CHD1: variants seen among roughly 807,000 people sequenced by gnomAD.
The protein encoded by CHD1 is ATP-dependent chromatin remodeler CHD1.
CHD1 carries 36 observed loss-of-function variants against 224.2 expected under a neutral mutation model. That is an observed-to-expected ratio of 0.16 (90% confidence interval 0.12 to 0.21). The LOEUF is 0.21. Among genes scored for constraint, CHD1 ranks in the 10% least tolerant of loss-of-function variants. The pLI is 1.00. For synonymous variants in CHD1, 668 were observed against 658.3 expected (o/e 1.01, Z -0.23); for missense variants, 1,378 against 1,994.8 (o/e 0.69, Z 5.89).
At chr5:98,881,763 G>C (rs1220609362) in intron 20 of CHD1, among the ~76,000 whole-genome samples, 2 of 152,208 alleles carry the variant, frequency 1.3e-5, no homozygotes, top group East Asian at 3.9e-4. Context: ...AAGCATAGAA[G>C]TGAAAGAGAT....
chr5:98,856,379 G>T lies in CHD1; in HGVS notation c.*1C>A. 1.2e-6 allele frequency: 2 copies of T among 1,602,728 alleles called. No homozygotes were observed. The highest frequency in any genetic ancestry group is 1.7e-6 in the Non-Finnish European group (2 of 1,171,036). ...CCAGAAAGACGAAGTATCAGTTTTTGTTATGTTTTCCGACTACTCCAGGTA... is the reference window on the plus strand; with the variant it reads ...CCAGAAAGACGAAGTATCAGTTTTTTTTATGTTTTCCGACTACTCCAGGTA... On this transcript the variant is annotated 3_prime_UTR_variant, in exon 36 of 36. Transcript: ENST00000614616.
intron 27 of CHD1, 41 bp from the exon 28 acceptor site, chr5:98,872,242 C>G: frequency 6.4e-7 from 1 of 1,563,858 alleles, no homozygotes; most frequent in East Asian, 2.3e-5. Flanking sequence ...TTTGTAATTG[C>G]CTTAACTGAA....
At chr5:98,922,025 C>T (rs1344132816) in intron 2 of CHD1, among the ~76,000 whole-genome samples, 2 of 151,980 alleles carry the variant, frequency 1.3e-5, no homozygotes, top group African/African-American at 4.8e-5. Context: ...TGGTGGCGGG[C>T]ACCTATAATC....
intron 3 of CHD1, among the ~76,000 whole-genome samples, chr5:98,904,432 G>GT (rs1390609413): frequency 2.0e-5 from 3 of 152,264 alleles, no homozygotes; most frequent in Non-Finnish European, 4.4e-5. Flanking sequence ...ATCTCTTGTA[G>GT]TTTTTTCCAA....
At chr5:98,872,259 A>G (rs979015654) in intron 27 of CHD1, 58 bp from the exon 28 acceptor site, 3 of 1,547,910 alleles carry the variant, frequency 1.9e-6, no homozygotes, top group African/African-American at 2.8e-5. Context: ...TGAAAAATTA[A>G]TTTTGAAAAA....
At chr5:98,905,136 T>A (rs1474277032) in intron 2 of CHD1, 38 bp from the exon 3 acceptor site, 1 of 1,608,152 alleles carries the variant, frequency 6.2e-7, no homozygotes, top group Non-Finnish European at 8.5e-7. Context: ...ACAAAATTCA[T>A]TAGGAATTTA....
chr5:98,871,973 C>A, intron 28 of CHD1, 78 bp downstream of exon 28: 1 of 1,329,600 alleles, frequency 7.5e-7, no homozygotes. Context: ...CCATTATTTC[C>A]AACATAATTT....
chr5:98,872,638 T>G (rs1749438780), intron 26 of CHD1, 83 bp from the exon 27 acceptor site: 1 of 1,135,698 alleles, frequency 8.8e-7, no homozygotes, highest in South Asian at 1.3e-5. Flanking sequence ...TGCTATTACT[T>G]ATGTTATTTA....
At chr5:98,874,906 A>C (rs1749635636) in intron 25 of CHD1, among the ~76,000 whole-genome samples, 166 bp downstream of exon 25, 1 of 152,206 alleles carries the variant, frequency 6.6e-6, no homozygotes, top group South Asian at 2.1e-4. Flanking sequence ...ACACAGTATA[A>C]AAACATTTTT....
chr5:98,868,534 A>G lies in CHD1; in HGVS notation c.4209T>C (p.Ser1403=). 6.2e-7 allele frequency: 1 copy of G among 1,612,492 alleles called. No homozygotes were observed. The highest frequency in any genetic ancestry group is 2.2e-5 in the East Asian group (1 of 44,844). ...TCTGATCCAGCTCTTCAGATTCTTCAGAAATGGGAACTGGTTCACCACTTG... is the reference window on the plus strand; with the variant it reads ...TCTGATCCAGCTCTTCAGATTCTTCGGAAATGGGAACTGGTTCACCACTTG... ...ITASGEPVPI[S]EESEELDQKT... The change falls in exon 31 of 36, where the codon TCT becomes TCC. Residue 1403 remains serine (S), a synonymous_variant. Transcript: ENST00000614616.
chr5:98,922,379 G>C (rs773608365), intron 2 of CHD1, among the ~76,000 whole-genome samples: 1 of 152,166 alleles, frequency 6.6e-6, no homozygotes, highest in Non-Finnish European at 1.5e-5. Flanking sequence ...TTTCAAGACT[G>C]TCAGCAATAG....
chr5:98,920,319 T>C (rs377694052), intron 2 of CHD1, among the ~76,000 whole-genome samples: 2 of 152,206 alleles, frequency 1.3e-5, no homozygotes, highest in Admixed American at 6.5e-5. Flanking sequence ...AAAGAATATA[T>C]TATGGAAAGG....
chr5:98,919,398 C>T (rs1006494838), intron 2 of CHD1, among the ~76,000 whole-genome samples: 5 of 152,136 alleles, frequency 3.3e-5, no homozygotes, highest in African/African-American at 1.2e-4. Flanking sequence ...CATAATTACA[C>T]TCAAAGGGGT....
At chr5:98,911,146 A>AAAAAAAAAATATATATATATATATATAT (rs1491111295) in intron 2 of CHD1, among the ~76,000 whole-genome samples, 1 of 39,130 alleles carries the variant, frequency 2.6e-5, no homozygotes, top group Non-Finnish European at 4.5e-5. Flanking sequence ...AAAAAAAAAA[A>AAAAAAAAAATATATATATATATATATAT]ATATATATAT....
chr5:98,901,096 A>C lies in CHD1; in HGVS notation c.588-14T>G. On this transcript the variant is annotated splice_polypyrimidine_tract_variant and intron_variant, in intron 6 of 35. Transcript: ENST00000614616. ...TTTGACTTAGATCTAGGAAAGTGCA[A>C]AGAGAAAAAAAAACAAGATTTGAGA... is the stretch of plus-strand genomic sequence containing the variant. 1 of 1,568,818 alleles carries C rather than the reference A, an allele frequency of 6.4e-7. No homozygotes were observed. The highest frequency in any genetic ancestry group is 8.6e-7 in the Non-Finnish European group (1 of 1,164,550).
At chr5:98,865,348 T>C (rs1475441202) in intron 31 of CHD1, among the ~76,000 whole-genome samples, 1 of 152,132 alleles carries the variant, frequency 6.6e-6, no homozygotes, top group African/African-American at 2.4e-5. Context: ...CTAAATGAGA[T>C]GGAAAGCCAC....
chr5:98,911,143 AAAAATATATATATATATATAT>A (rs1326558507), intron 2 of CHD1, among the ~76,000 whole-genome samples: 1 of 112,572 alleles, frequency 8.9e-6, no homozygotes, highest in African/African-American at 4.0e-5. Context: ...AAAAAAAAAA[AAAAATATATATATATATATAT>A]ATATATATAT....
At chr5:98,910,295 A>G (rs1752306944) in intron 2 of CHD1, among the ~76,000 whole-genome samples, 1 of 152,320 alleles carries the variant, frequency 6.6e-6, no homozygotes, top group African/African-American at 2.4e-5. Context: ...TAATACCATT[A>G]TCATAAACAA....
Position 98,876,528 on chromosome 5 carries a change from T to A in CHD1, c.3268A>T (p.Ser1090Cys). ...ISFNGSEGRRSRSRRYSGSDS... is the reference protein window; with the variant it reads ...ISFNGSEGRRCRSRRYSGSDS... ...GATCCAGAGTATCTCCTACTTCTAC[T>A]GCGCCTCCCTTCACTTCCATTGAAA... Residue 1090 changes from serine to cysteine, a missense_variant, in exon 24 of 36, where the codon AGT (serine) becomes TGT (cysteine). Physicochemically the swap from Ser to Cys is moderately radical, Grantham distance 112. Around this residue, in one of 16 missense-constraint regions of CHD1, gnomAD observed 286 missense variants for 445.1 expected, o/e 0.64. Transcript: ENST00000614616. 6.2e-7 allele frequency: 1 copy of A among 1,613,960 alleles called. No individual in the cohort carries two copies. The highest frequency in any genetic ancestry group is 8.5e-7 in the Non-Finnish European group (1 of 1,179,918).
Sources: gnomAD v4.1 joint callset for allele counts (sites outside exome capture counted in the v4.1 genomes callset) on GRCh38, gnomAD v4.1.1 for gene constraint, gnomAD v4.1.1 regional missense constraint, MANE v1.5 for transcripts, NCBI Gene and HGNC (gene_info 2026-07-23, HGNC 2026-07-21) for gene names.